CARF: variants seen among roughly 807,000 people sequenced by gnomAD.
The protein encoded by CARF is calcium responsive transcription factor, also known as calcium-responsive transcription factor.
A neutral mutation model predicts 82.0 loss-of-function variants in CARF; 57 were observed. The observed-to-expected ratio is 0.70, with a 90% CI of 0.56 to 0.87. CARF has a LOEUF of 0.87. Among genes scored for constraint, CARF ranks in the 40% least tolerant of loss-of-function variants. The pLI, the probability that CARF is intolerant of heterozygous loss-of-function variation, is 0.00. For synonymous variants in CARF, 268 were observed against 290.1 expected, an observed-to-expected ratio of 0.92 and a Z score of 0.77; for missense variants, 771 against 855.8, an observed-to-expected ratio of 0.90 and a Z score of 1.24.
intron 1 of CARF, among the ~76,000 whole-genome samples, chr2:202,916,563 A>G (rs2105933281): frequency 6.6e-6 from 1 of 152,332 alleles, no homozygotes; most frequent in Non-Finnish European, 1.5e-5. Context: ...TTAGGACATT[A>G]ACCAAGGTAT....
rs2060374579 is a variant in CARF, at chr2:202,984,569, T to C, written c.*945T>C. ...TTTGATTTGTAGTTACATTTTTCTATGCCAGAGCTCTTACTGAATTGATGA... is the reference window on the plus strand; with the variant it reads ...TTTGATTTGTAGTTACATTTTTCTACGCCAGAGCTCTTACTGAATTGATGA... On this transcript the variant is annotated 3_prime_UTR_variant, in exon 17 of 17. Transcript: ENST00000438828. The C allele has an allele frequency of 6.6e-6, 1 of 152,214 alleles. No individual in the cohort carries two copies. Among genetic ancestry groups the C allele is most frequent in the Admixed American group, 6.5e-5 (1 of 15,270 alleles). The allele number at this position is 152,214 out of a possible 1,614,324, so 9.4% of individuals were successfully genotyped here. A position where few individuals can be genotyped will look rare whatever the true frequency, so the allele number is the denominator to read the frequency against.
At chr2:202,931,925 C>T (rs1366753985) in intron 3 of CARF, among the ~76,000 whole-genome samples, 1 of 152,154 alleles carries the variant, frequency 6.6e-6, no homozygotes, top group African/African-American at 2.4e-5. Context: ...TAAACAAATA[C>T]TTGAGACTGG....
At chr2:202,953,055 C>T (rs1475567531) in intron 6 of CARF, among the ~76,000 whole-genome samples, 1 of 152,018 alleles carries the variant, frequency 6.6e-6, no homozygotes, top group Admixed American at 6.6e-5. Context: ...CTCGCTCTAT[C>T]CCCCAGGCTG....
intron 13 of CARF, among the ~76,000 whole-genome samples, chr2:202,976,708 C>T (rs1346792757): frequency 2.5e-5 from 3 of 120,806 alleles, no homozygotes; most frequent in African/African-American, 9.5e-5. Context: ...CAATCCATAA[C>T]TCTTTGTCTT....
At chr2:202,949,515 AT>A (rs71408905) in intron 5 of CARF, among the ~76,000 whole-genome samples, 15 of 112,086 alleles carry the variant, frequency 1.3e-4, no homozygotes, top group African/African-American at 3.3e-4. Flanking sequence ...TTTGTTATTT[AT>A]TTATTATTAT....
In CARF at chr2:202,942,942, C is replaced by T. The variant is rs2058302594; in HGVS notation, c.281C>T (p.Ser94Leu). ...CAGGCTATTCAATATGAACTTCAGT[C>T]ATTGGGGGAATCCAATGCACAAATG... Reference protein sequence around the residue: ...NGQAIQYELQSLGESNAQMMI... With the variant: ...NGQAIQYELQLLGESNAQMMI... Residue 94 changes from serine to leucine, a missense_variant, in exon 5 of 17, where the codon TCA becomes TTA. Ser to Leu is a moderately radical substitution (Grantham distance 145, BLOSUM62 -2). Coordinates refer to ENST00000438828, the MANE Select transcript of CARF (RefSeq NM_024744.17). 3 of 1,613,852 alleles carry T rather than the reference C, an allele frequency of 1.9e-6. No homozygotes were observed. Among genetic ancestry groups the T allele is most frequent in the African/African-American group, 1.3e-5 (1 of 74,922 alleles).
chr2:202,925,307 T>G, intron 3 of CARF: 1 of 352,810 alleles, frequency 2.8e-6, no homozygotes, highest in African/African-American at 2.1e-5. Flanking sequence ...ATCAACTTCC[T>G]CATTCAGCTG....
intron 5 of CARF, among the ~76,000 whole-genome samples, chr2:202,945,005 C>A (rs895297705): frequency 6.6e-6 from 1 of 151,852 alleles, no homozygotes; most frequent in African/African-American, 2.4e-5. Flanking sequence ...TTATTTGAAA[C>A]CATGAAATAG....
chr2:202,959,815 CAAA>C (rs11334679), intron 8 of CARF, among the ~76,000 whole-genome samples: 12 of 140,242 alleles, frequency 8.6e-5, no homozygotes, highest in Admixed American at 2.1e-4. Context: ...ATCTCAAAAA[CAAA>C]AAAAAAAAAA....
intron 5 of CARF, among the ~76,000 whole-genome samples, chr2:202,943,586 G>A (rs1474987894): frequency 2.3e-5 from 1 of 42,622 alleles, no homozygotes; most frequent in African/African-American, 9.6e-5. Flanking sequence ...TTAATGGAAT[G>A]TACACACACA....
At chr2:202,983,112 C>G (rs891903196) in intron 16 of CARF, among the ~76,000 whole-genome samples, 3 of 152,056 alleles carry the variant, frequency 2.0e-5, no homozygotes, top group Admixed American at 2.0e-4. Flanking sequence ...AACTCCTGGG[C>G]TCAAGCAATC....
Position 202,971,672 on chromosome 2 carries a change from C to T in CARF, c.1265C>T (p.Ala422Val). Residue 422 changes from alanine (A) to valine (V), a missense_variant, in exon 12 of 17, where the codon GCA (alanine) becomes GTA (valine). Physicochemically the swap from Ala to Val is moderately conservative, Grantham distance 64. Transcript: ENST00000438828. ...CCCTCACGTTTACATCCTCAAGTAG[C>T]ACATAAGATTCAAGAATTAGTATCA... Reference protein sequence around the residue: ...ALPSRLHPQVAHKIQELVSQG... With the variant: ...ALPSRLHPQVVHKIQELVSQG... 1.2e-6 allele frequency: 2 copies of T among 1,613,480 alleles called. No homozygotes were observed. The highest frequency in any genetic ancestry group is 1.7e-4 in the Middle Eastern group (1 of 6,052).
At chr2:202,942,406 T>C (rs1405469131) in intron 4 of CARF, 1 of 163,984 alleles carries the variant, frequency 6.1e-6, no homozygotes, top group Non-Finnish European at 1.3e-5. Context: ...TATTTAATTA[T>C]ACACATATTT....
intron 3 of CARF, among the ~76,000 whole-genome samples, chr2:202,928,868 C>A (rs1692350186): frequency 6.6e-6 from 1 of 151,988 alleles, no homozygotes; most frequent in African/African-American, 2.4e-5. Context: ...CAGCTAGGAC[C>A]ACAGGTCCGT....
chr2:202,927,023 C>T (rs893296934), intron 3 of CARF, among the ~76,000 whole-genome samples: 1 of 151,954 alleles, frequency 6.6e-6, no homozygotes, highest in African/African-American at 2.4e-5. Context: ...TCATGTTGCC[C>T]GTGGCTGGTC....
At chr2:202,939,119 G>C (rs920901473) in intron 3 of CARF, among the ~76,000 whole-genome samples, 2 of 152,044 alleles carry the variant, frequency 1.3e-5, no homozygotes, top group Admixed American at 6.6e-5. Context: ...TTGAGTATGG[G>C]TTTCTTTTTA....
chr2:202,939,224 G>C (rs1185308897), intron 3 of CARF, among the ~76,000 whole-genome samples: 1 of 152,142 alleles, frequency 6.6e-6, no homozygotes, highest in Admixed American at 6.5e-5. Flanking sequence ...TTCAAATACA[G>C]ATGATCCCTG....
chr2:202,937,900 T>C (rs1013936163), intron 3 of CARF, among the ~76,000 whole-genome samples: 9 of 150,594 alleles, frequency 6.0e-5, no homozygotes, highest in Admixed American at 4.7e-4. Flanking sequence ...GCAGGGATTA[T>C]AGGTGTGAGC....
intron 13 of CARF, among the ~76,000 whole-genome samples, chr2:202,976,028 G>A (rs12994726): frequency 0.9 from 136,681 of 152,010 alleles, 61,890 homozygotes; most frequent in Non-Finnish European, 0.95. Context: ...CTGGGTGACA[G>A]CAGCAAAACT....
Sources: allele counts gnomAD v4.1 joint callset (sites outside exome capture counted in the v4.1 genomes callset), GRCh38; gene constraint gnomAD v4.1.1; transcripts MANE v1.5; gene names NCBI Gene and HGNC (gene_info 2026-07-23, HGNC 2026-07-21).